IRX1: variants seen among roughly 807,000 people sequenced by gnomAD.
IRX1 encodes iroquois-class homeodomain protein IRX-1.
IRX1 carries 22 observed loss-of-function variants against 34.1 expected under a neutral mutation model. That is an observed-to-expected ratio of 0.64 (90% CI 0.46 to 0.92). The LOEUF (loss-of-function observed/expected upper bound fraction) is 0.92. Ranked by LOEUF, IRX1 falls within the 40% of genes least tolerant of loss-of-function variation. The pLI is 0.00. For synonymous variants in IRX1, 363 were observed against 319.0 expected, an observed-to-expected ratio of 1.14 and a Z score of -1.47; for missense variants, 758 against 680.0, an observed-to-expected ratio of 1.11 and a Z score of -1.28.
intron 1 of IRX1, among the ~76,000 whole-genome samples, chr5:3,597,718 T>A (rs1019466991): frequency 3.3e-5 from 5 of 152,196 alleles, no homozygotes; most frequent in African/African-American, 7.2e-5. Flanking sequence ...TTGGAACGAT[T>A]GGGCAAAAAC....
In IRX1 at chr5:3,600,598, A is replaced by G; in HGVS notation, c.1313-11A>G. The G allele has an allele frequency of 6.2e-7, 1 of 1,610,804 alleles. No individual in the cohort carries two copies. The highest frequency in any genetic ancestry group is 8.5e-7 in the Non-Finnish European group (1 of 1,177,484). On this transcript the variant is annotated splice_polypyrimidine_tract_variant and intron_variant, in intron 2 of 3. Transcript: ENST00000302006. Reference sequence around the variant, plus strand: ...CTCCGTCCTAACTCTGCCTCTTCCGATCTCTCGCAGAGAGAGACCTCGTCC... The same window carrying G: ...CTCCGTCCTAACTCTGCCTCTTCCGGTCTCTCGCAGAGAGAGACCTCGTCC...
chr5:3,600,639 C>T lies in IRX1; in HGVS notation c.1343C>T (p.Pro448Leu). ...GACCTCGTCCCCAGGCCAGATTCGC[C>T]GGCACAGCAGTTAAAGTCGCCCTTC... is the stretch of plus-strand genomic sequence containing the variant. ...ERDLVPRPDS[P>L]AQQLKSPFQP... The change falls in exon 3 of 4, where the codon CCG becomes CTG. Residue 448 changes from proline (P) to leucine (L), a missense_variant. Pro to Leu is a moderately conservative substitution (Grantham distance 98). Around this residue, in one of 3 missense-constraint regions of IRX1, gnomAD observed 529 missense variants for 418.8 expected, o/e 1.26. Coordinates refer to ENST00000302006, the MANE Select transcript of IRX1 (RefSeq NM_024337.4). 1 of 1,613,666 alleles carries T rather than the reference C, an allele frequency of 6.2e-7. No homozygotes were observed.
chr5:3,599,527 G>A lies in IRX1; in HGVS notation c.579G>A (p.Trp193Ter). 6.2e-7 allele frequency: 1 copy of A among 1,614,190 alleles called. No homozygotes were observed. The highest frequency in any genetic ancestry group is 8.5e-7 in the Non-Finnish European group (1 of 1,180,028). ...RRLKKENKVT[W>*]GARSKDQEDG... ...TCAAGAAGGAGAACAAGGTGACATG[G>A]GGAGCGCGCAGCAAGGACCAGGAAG... Residue 193 changes from tryptophan to a stop codon, truncating the protein, a stop_gained, in exon 2 of 4, where the codon TGG (tryptophan) becomes TGA (stop). Coordinates refer to ENST00000302006, the MANE Select transcript of IRX1 (RefSeq NM_024337.4). LOFTEE classifies it high-confidence loss of function. The surrounding 1 kb of genome is among the most constrained non-coding windows in gnomAD (Gnocchi z 6.6).
chr5:3,600,994 C>G lies in IRX1; in HGVS notation c.1397C>G (p.Pro466Arg). The part of the protein sequence containing the change: ...FQPVRDNSLA[P>R]QEGTPRILAA... ...TGTTTCCCATGCAGCTCTCTGGCCC[C>G]GCAGGAGGGAACGCCGCGGATCCTA... The change falls in exon 4 of 4, where the codon CCG becomes CGG. Residue 466 changes from proline (P) to arginine (R), a missense_variant. Coordinates refer to ENST00000302006, the MANE Select transcript of IRX1 (RefSeq NM_024337.4). 15 of 1,612,794 alleles carry G rather than the reference C, an allele frequency of 9.3e-6. No homozygotes were observed. The highest frequency in any genetic ancestry group is 1.3e-5 in the Non-Finnish European group (15 of 1,179,706).
intron 1 of IRX1, among the ~76,000 whole-genome samples, chr5:3,597,233 C>A (rs1325690641): frequency 3.9e-5 from 6 of 152,226 alleles, no homozygotes; most frequent in Admixed American, 2.0e-4. Flanking sequence ...ACACTTAATT[C>A]TCCGCGGGGG....
chr5:3,596,592 G>C (rs1164672701), intron 1 of IRX1, among the ~76,000 whole-genome samples: 1 of 152,154 alleles, frequency 6.6e-6, no homozygotes, highest in Non-Finnish European at 1.5e-5. Context: ...GGCCATCTCG[G>C]CCTGGGAAAG....
chr5:3,600,074 A>C lies in IRX1; in HGVS notation c.1126A>C (p.Asn376His), dbSNP rs752280105. 2 of 1,612,272 alleles carry C rather than the reference A, an allele frequency of 1.2e-6. No homozygotes were observed. Among genetic ancestry groups the C allele is most frequent in the East Asian group, 4.5e-5 (2 of 44,846 alleles). ...CHIGKFSNWT[N>H]SAFLAQGSLL... Reference sequence around the variant, plus strand: ...CATCGGCAAGTTCTCCAACTGGACCAACAGCGCATTCCTCGCACAGGGCTC... The same window carrying C: ...CATCGGCAAGTTCTCCAACTGGACCCACAGCGCATTCCTCGCACAGGGCTC... Residue 376 changes from asparagine (N) to histidine (H), a missense_variant, in exon 2 of 4, where the codon AAC becomes CAC. This residue lies in a region of IRX1 where 529 missense variants were observed against 418.8 expected (regional missense o/e 1.26). Transcript: ENST00000302006.
chr5:3,598,401 T>G (rs988650590), intron 1 of IRX1, among the ~76,000 whole-genome samples: 4 of 152,118 alleles, frequency 2.6e-5, no homozygotes, highest in African/African-American at 9.7e-5. Flanking sequence ...AAGTCAAACT[T>G]AAGAGATGAA....
chr5:3,598,327 G>A (rs1006402678), intron 1 of IRX1, among the ~76,000 whole-genome samples: 1 of 152,086 alleles, frequency 6.6e-6, no homozygotes, highest in Non-Finnish European at 1.5e-5. Context: ...AAAGAATATC[G>A]ATTGCAAATA....
In IRX1 at chr5:3,601,075, G is replaced by A. The variant is rs561749962; in HGVS notation, c.*35G>A. On this transcript the variant is annotated 3_prime_UTR_variant, in exon 4 of 4. Coordinates refer to ENST00000302006, the MANE Select transcript of IRX1 (RefSeq NM_024337.4). ...TTCTTTTACTTTTGCGGGGGGGAGG[G>A]GGGAGGAGTTGGGGAGGGAGGGAAT... The A allele has an allele frequency of 1.9e-5, 30 of 1,576,148 alleles. 1 individual carries two copies. In the South Asian group the frequency reaches 3.0e-4, roughly 16 times the overall value.
At chr5:3,600,731 G>A (rs1733942207) in intron 3 of IRX1, 50 bp downstream of exon 3, 2 of 1,531,560 alleles carry the variant, frequency 1.3e-6, no homozygotes, top group Non-Finnish European at 1.8e-6. Context: ...GGAGGGGGGA[G>A]GAGGAGTGGT....
chr5:3,596,537 C>T (rs1410704706), intron 1 of IRX1, among the ~76,000 whole-genome samples, 156 bp downstream of exon 1: 1 of 151,666 alleles, frequency 6.6e-6, no homozygotes, highest in African/African-American at 2.4e-5. Flanking sequence ...AGGCCGCGGC[C>T]CCCGGGGACG....
rs755744445 is a variant in IRX1 at position 3,600,134 on chromosome 5, G to C, written c.1186G>C (p.Ala396Pro). The part of the protein sequence containing the change: ...LNMRSFLGVG[A>P]PHAAPHGPHL... Reference sequence around the variant, plus strand: ...CATGCGCTCCTTCCTGGGCGTTGGCGCTCCCCACGCCGCGCCCCATGGCCC... The same window carrying C: ...CATGCGCTCCTTCCTGGGCGTTGGCCCTCCCCACGCCGCGCCCCATGGCCC... Residue 396 changes from alanine (A) to proline (P), a missense_variant, in exon 2 of 4, where the codon GCT (alanine) becomes CCT (proline). Ala to Pro is a conservative substitution (Grantham distance 27). Coordinates refer to ENST00000302006, the MANE Select transcript of IRX1 (RefSeq NM_024337.4). 1 of 1,613,188 alleles carries C rather than the reference G, an allele frequency of 6.2e-7. No individual in the cohort carries two copies. The highest frequency in any genetic ancestry group is 8.5e-7 in the Non-Finnish European group (1 of 1,179,878).
chr5:3,599,242 G>A lies in IRX1; in HGVS notation c.294G>A (p.Leu98=). 1 of 1,613,304 alleles carries A rather than the reference G, an allele frequency of 6.2e-7. No homozygotes were observed. The highest frequency in any genetic ancestry group is 8.5e-7 in the Non-Finnish European group (1 of 1,179,694). The change falls in exon 2 of 4, where the codon CTG becomes CTA. Residue 98 remains leucine (L), a synonymous_variant. Transcript: ENST00000302006. The surrounding 1 kb of genome is among the most constrained non-coding windows in gnomAD (Gnocchi z 6.6). ...GGCTTCAGGGCTCGCAGTATGAACTGAAGGACAACCCTGGGGTGCACCCCG... is the reference window on the plus strand; with the variant it reads ...GGCTTCAGGGCTCGCAGTATGAACTAAAGGACAACCCTGGGGTGCACCCCG... ...LFSQMGSQYE[L]KDNPGVHPAT... is the part of the protein sequence containing the mutation.
rs1743680947 is a variant in IRX1 at position 3,596,045 on chromosome 5, T to C, written c.-61T>C. 2.0e-6 allele frequency: 2 copies of C among 1,007,114 alleles called. No individual in the cohort carries two copies. Among genetic ancestry groups the C allele is most frequent in the South Asian group, 9.1e-5 (2 of 22,084 alleles). 62.4% of individuals were successfully genotyped at this position (1,007,114 alleles called of 1,614,324 possible). On this transcript the variant is annotated 5_prime_UTR_variant, in exon 1 of 4. Coordinates refer to ENST00000302006, the MANE Select transcript of IRX1 (RefSeq NM_024337.4). ...CCCCTGCAACCCCCTCCGGCCGGCC[T>C]CCGCCTCCCTCCCCGCGCCTTTAAT...
In IRX1 at chr5:3,601,295, GTC is replaced by G. The variant is rs964105643; in HGVS notation, c.*259_*260del. 3 of 557,580 alleles carry G rather than the reference GTC, an allele frequency of 5.4e-6. No homozygotes were observed. Among genetic ancestry groups the G allele is most frequent in the Non-Finnish European group, 6.4e-6 (2 of 310,818 alleles). The allele number at this position is 557,580 out of a possible 1,614,324, so 34.5% of individuals were successfully genotyped here. A position where few individuals can be genotyped will look rare whatever the true frequency, so the allele number is the denominator to read the frequency against. On this transcript the variant is annotated 3_prime_UTR_variant, in exon 4 of 4. Coordinates refer to ENST00000302006, the MANE Select transcript of IRX1 (RefSeq NM_024337.4). ...TCGGTAAATGCCCCCACGTGCTTGTGTCTCTTTCCCCCCTTTTCTGTATATAG... is the reference window on the plus strand; with the variant it reads ...TCGGTAAATGCCCCCACGTGCTTGTGTCTTTCCCCCCTTTTCTGTATATAG...
chr5:3,597,446 AAAC>A (rs1733816391), intron 1 of IRX1, among the ~76,000 whole-genome samples: 1 of 152,226 alleles, frequency 6.6e-6, no homozygotes, highest in Non-Finnish European at 1.5e-5. Context: ...AGCGGGGAGT[AAAC>A]GCCCCTCAAG....
Position 3,599,735 on chromosome 5 carries a change from C to G in IRX1, c.787C>G (p.Arg263Gly). The G allele has an allele frequency of 6.2e-7, 1 of 1,611,854 alleles. No homozygotes were observed. Among genetic ancestry groups the G allele is most frequent in the Non-Finnish European group, 8.5e-7 (1 of 1,179,690 alleles). Residue 263 changes from arginine to glycine, a missense_variant, in exon 2 of 4, where the codon CGG (arginine) becomes GGG (glycine). Arg to Gly is a moderately radical substitution (Grantham distance 125). Transcript: ENST00000302006. This position sits in a 1 kb window ranked among gnomAD's most constrained non-coding sequence, Gnocchi z 6.6. Reference protein sequence around the residue: ...HAPAAPSALARDQGSPLAAAD... With the variant: ...HAPAAPSALAGDQGSPLAAAD... ...GCCCGCAGCCCCTTCTGCTCTTGCC[C>G]GGGACCAAGGCTCGCCGCTGGCAGC... is the stretch of plus-strand genomic sequence containing the variant.
In IRX1 at chr5:3,596,066, T is replaced by C; in HGVS notation, c.-40T>C. On this transcript the variant is annotated 5_prime_UTR_variant, in exon 1 of 4. Coordinates refer to ENST00000302006, the MANE Select transcript of IRX1 (RefSeq NM_024337.4). The stretch of plus-strand genomic sequence containing the variant: ...GGCCTCCGCCTCCCTCCCCGCGCCT[T>C]TAATACTCGCCCGCTGCGGCGGTCG... 1 of 1,044,840 alleles carries C rather than the reference T, an allele frequency of 9.6e-7. No homozygotes were observed. Among genetic ancestry groups the C allele is most frequent in the South Asian group, 4.4e-5 (1 of 22,898 alleles). The allele number at this position is 1,044,840 out of a possible 1,614,324, so 64.7% of individuals were successfully genotyped here.
Sources: allele counts gnomAD v4.1 joint callset (sites outside exome capture counted in the v4.1 genomes callset), GRCh38; gene constraint gnomAD v4.1.1; regional missense constraint gnomAD v4.1.1; non-coding constraint Gnocchi (gnomAD v3.1); transcripts MANE v1.5; gene names NCBI Gene and HGNC (gene_info 2026-07-23, HGNC 2026-07-21).